Variants in PRDM16 observed in about 807,000 individuals in gnomAD.
PRDM16 encodes the protein histone-lysine N-methyltransferase PRDM16.
In PRDM16, 23 loss-of-function variants were observed where a neutral mutation model predicts 110.6. The ratio of observed to expected loss-of-function variants is 0.21; its 90% CI spans 0.15 to 0.29. PRDM16 has a LOEUF of 0.29. PRDM16 is among the 10% of genes least tolerant of loss of function. The pLI is 1.00. For synonymous variants in PRDM16, 799 were observed against 781.8 expected (o/e 1.02, Z -0.37); for missense variants, 1,615 against 1,794.3 (o/e 0.90, Z 1.81).
intron 3 of PRDM16, among the ~76,000 whole-genome samples, chr1:3,316,706 A>ACAGGG (rs1469023898): frequency 0.018 from 2,662 of 149,276 alleles, 98 homozygotes; most frequent in East Asian, 0.14. Flanking sequence ...AAACAGTGAC[A>ACAGGG]TAGTGGAGCC....
intron 2 of PRDM16, among the ~76,000 whole-genome samples, chr1:3,235,747 G>A (rs936447238): frequency 2.6e-5 from 4 of 152,114 alleles, no homozygotes; most frequent in Admixed American, 1.3e-4. Context: ...GGCGGGGTGT[G>A]GGGGGTCCCT....
chr1:3,409,826 T>TCTGTGTGG (rs1643643968), intron 8 of PRDM16, among the ~76,000 whole-genome samples: 1 of 136,840 alleles, frequency 7.3e-6, no homozygotes, highest in African/African-American at 2.8e-5. Context: ...TGTGTGTGGT[T>TCTGTGTGG]GTGTGTGGGT....
intron 3 of PRDM16, among the ~76,000 whole-genome samples, chr1:3,327,232 C>T (rs1641933506): frequency 6.6e-6 from 1 of 152,232 alleles, no homozygotes; most frequent in African/African-American, 2.4e-5. Flanking sequence ...GACAAAATAG[C>T]CCAAATCCAG....
At chr1:3,197,699 C>A (rs550210422) in intron 2 of PRDM16, among the ~76,000 whole-genome samples, 1 of 152,238 alleles carries the variant, frequency 6.6e-6, no homozygotes, top group African/African-American at 2.4e-5. Flanking sequence ...GTGGGGAGGG[C>A]GGCCCCTCCT....
At chr1:3,180,560 G>A (rs989848869) in intron 1 of PRDM16, among the ~76,000 whole-genome samples, 6 of 152,310 alleles carry the variant, frequency 3.9e-5, no homozygotes, top group African/African-American at 1.4e-4. Flanking sequence ...GGCCGCAAAA[G>A]TAAAGACCCA....
At chr1:3,095,465 T>C (rs187740438) in intron 1 of PRDM16, among the ~76,000 whole-genome samples, 5 of 152,222 alleles carry the variant, frequency 3.3e-5, no homozygotes, top group African/African-American at 4.8e-5. Flanking sequence ...AGAAAACCCA[T>C]AGGACCTGGA....
intron 2 of PRDM16, among the ~76,000 whole-genome samples, chr1:3,193,687 C>G (rs540046624): frequency 6.6e-6 from 1 of 152,330 alleles, no homozygotes; most frequent in East Asian, 1.9e-4. Flanking sequence ...CCCTGCCCCC[C>G]AACAATGTCT....
At chr1:3,317,471 G>T (rs1233356318) in intron 3 of PRDM16, among the ~76,000 whole-genome samples, 1 of 152,222 alleles carries the variant, frequency 6.6e-6, no homozygotes, top group African/African-American at 2.4e-5. Flanking sequence ...CCTGGTGTCC[G>T]GCATGAGGCC....
rs1211136791 is a variant in PRDM16 at position 3,209,042 on chromosome 1, T to C, written c.387+22568T>C. 2.0e-5 allele frequency among the ~76,000 whole-genome samples: 3 copies of C among 152,172 alleles called. No individual in the cohort carries two copies. The highest frequency in any genetic ancestry group is 2.9e-5 in the Non-Finnish European group (2 of 68,032). ...CTGGGACTTAACTCTCAAGGGTATT[T>C]AGGGACAGAGAGCAGTGGGAATTCA... On this transcript the variant is annotated intron_variant, in intron 2 of 16. Transcript: ENST00000270722. This position sits in a 1 kb window ranked among gnomAD's most constrained non-coding sequence, Gnocchi z 4.6.
rs1379508097 is a variant in PRDM16 at position 3,114,390 on chromosome 1, GCACGCA to G, written c.37+45096_37+45101del. ...CACACACGCAGGTGTAAACAGACGC[GCACGCA>G]CGCGCACACACACGCACACACATGC... On this transcript the variant is annotated intron_variant, in intron 1 of 16. Transcript: ENST00000270722. Among the ~76,000 whole-genome samples the G allele has an allele frequency of 2.5e-5, 3 of 121,652 alleles. No homozygotes were observed. The Admixed American group carries it at 2.7e-4, about 11-fold the overall frequency. The allele number at this position is 121,652 out of a possible 152,430, so 79.8% of individuals were successfully genotyped here.
In PRDM16 at chr1:3,113,740, C is replaced by T. The variant is rs528594374; in HGVS notation, c.37+44444C>T. On this transcript the variant is annotated intron_variant, in intron 1 of 16. Coordinates refer to ENST00000270722, the MANE Select transcript of PRDM16 (RefSeq NM_022114.4). Reference sequence around the variant, plus strand: ...CATCCCCAGACATGGCCGCGTGCCCCAGGGCAGAACCCCCGTCTGGGGGCC... The same window carrying T: ...CATCCCCAGACATGGCCGCGTGCCCTAGGGCAGAACCCCCGTCTGGGGGCC... Among the ~76,000 whole-genome samples, 9 of 152,340 alleles carry T rather than the reference C, an allele frequency of 5.9e-5. No individual in the cohort carries two copies. In the South Asian group the frequency reaches 1.9e-3, roughly 32 times the overall value.
At chr1:3,114,505 T>G (rs59633979) in intron 1 of PRDM16, among the ~76,000 whole-genome samples, 1 of 145,488 alleles carries the variant, frequency 6.9e-6, no homozygotes, top group Non-Finnish European at 1.5e-5. Context: ...CACACGCGCA[T>G]GCACACACAC....
intron 1 of PRDM16, among the ~76,000 whole-genome samples, chr1:3,170,546 G>A (rs1388848336): frequency 6.6e-6 from 1 of 152,204 alleles, no homozygotes; most frequent in Non-Finnish European, 1.5e-5. Context: ...AGGAGCATCT[G>A]GGTGGCCCCC....
chr1:3,365,635 G>A (rs933847152), intron 3 of PRDM16, among the ~76,000 whole-genome samples: 4 of 152,364 alleles, frequency 2.6e-5, no homozygotes, highest in African/African-American at 9.6e-5. Flanking sequence ...CAGCGGCCCT[G>A]AATGTTAGCT....
At chr1:3,101,248 A>AT (rs1267372164) in intron 1 of PRDM16, among the ~76,000 whole-genome samples, 1 of 152,134 alleles carries the variant, frequency 6.6e-6, no homozygotes, top group African/African-American at 2.4e-5. Context: ...AGTGGCTCCC[A>AT]TCCAACGCAC....
intron 1 of PRDM16, among the ~76,000 whole-genome samples, chr1:3,104,247 G>A (rs997415595): frequency 3.3e-5 from 5 of 152,208 alleles, no homozygotes; most frequent in African/African-American, 7.2e-5. Context: ...CCCAGGAGGC[G>A]GCCTCCCAGA....
In PRDM16 at chr1:3,210,379, C is replaced by T. The variant is rs188528055; in HGVS notation, c.387+23905C>T. Among the ~76,000 whole-genome samples the T allele has an allele frequency of 4.4e-3, 671 of 152,348 alleles. 4 individuals are homozygous for T. Among genetic ancestry groups the T allele is most frequent in the South Asian group, 0.016 (77 of 4,830 alleles). ...CCAAGGCCCTGGAAGGCTTTCCCCC[C>T]TCAGATTCAGGAAGGAGCCGCACAG... On this transcript the variant is annotated intron_variant, in intron 2 of 16. Transcript: ENST00000270722.
chr1:3,381,703 T>C (rs1557643590), intron 3 of PRDM16, among the ~76,000 whole-genome samples: 1 of 152,150 alleles, frequency 6.6e-6, no homozygotes, highest in Non-Finnish European at 1.5e-5. Context: ...CCAACACTCT[T>C]GAGTCAACAA....
At chr1:3,084,330 C>G (rs530570154) in intron 1 of PRDM16, among the ~76,000 whole-genome samples, 35 of 152,122 alleles carry the variant, frequency 2.3e-4, no homozygotes, top group South Asian at 2.1e-3. Context: ...AAGGGACATT[C>G]GATCTGAAGC....
Sources: allele counts gnomAD v4.1 joint callset (sites outside exome capture counted in the v4.1 genomes callset), GRCh38; gene constraint gnomAD v4.1.1; non-coding constraint Gnocchi (gnomAD v3.1); transcripts MANE v1.5; gene names NCBI Gene and HGNC (gene_info 2026-07-23, HGNC 2026-07-21).